Variants in SMOC2 observed in about 807,000 individuals in gnomAD.
The protein encoded by SMOC2 is SPARC related modular calcium binding 2.
A neutral mutation model predicts 61.4 loss-of-function variants in SMOC2; 39 were observed. The observed-to-expected ratio is 0.64, with a 90% confidence interval of 0.49 to 0.83. SMOC2 has a LOEUF of 0.83. Among genes scored for constraint, SMOC2 ranks in the 40% least tolerant of loss-of-function variants. The probability of loss-of-function intolerance (pLI) is 0.00; values close to 1 mark genes in which losing one functional copy is unlikely to be tolerated. For missense variants in SMOC2, 556 were observed against 592.9 expected, an observed-to-expected ratio of 0.94 and a Z score of 0.65; for synonymous variants, 247 against 239.9, an observed-to-expected ratio of 1.03 and a Z score of -0.27.
At chr6:168,663,011 C>T (rs990154366) in intron 11 of SMOC2, among the ~76,000 whole-genome samples, 5 of 152,184 alleles carry the variant, frequency 3.3e-5, no homozygotes, top group East Asian at 1.9e-4. Context: ...ATGGAGATAA[C>T]GAAGTTGGAT....
chr6:168,449,996 A>G (rs976833388), intron 1 of SMOC2, among the ~76,000 whole-genome samples: 1 of 152,148 alleles, frequency 6.6e-6, no homozygotes, highest in South Asian at 2.1e-4. Context: ...GTGAGTTTCA[A>G]TCAGGATCCT....
chr6:168,441,435 A>G lies in SMOC2; in HGVS notation c.65A>G (p.Gln22Arg). 1 of 1,509,268 alleles carries G rather than the reference A, an allele frequency of 6.6e-7. No homozygotes were observed. Among genetic ancestry groups the G allele is most frequent in the Non-Finnish European group, 8.8e-7 (1 of 1,132,708 alleles). The allele number at this position is 1,509,268 out of a possible 1,614,324, so 93.5% of individuals were successfully genotyped here. Residue 22 changes from glutamine to arginine, a missense_variant, in exon 1 of 13, where the codon CAG (glutamine) becomes CGG (arginine). Physicochemically the swap from Gln to Arg is conservative, Grantham distance 43. Transcript: ENST00000356284. ...LAGLLPPVPA[Q>R]KFSALTFLRV... ...GGGCTGCTCCCGCCGGTGCCCGCTC[A>G]GAAGTTCTCGGCGCTCACGGTAAGC...
chr6:168,482,989 G>A (rs1015103249), intron 1 of SMOC2, among the ~76,000 whole-genome samples: 1 of 152,054 alleles, frequency 6.6e-6, no homozygotes, highest in African/African-American at 2.4e-5. Context: ...CCTAAGATCA[G>A]GAGTAAGGCA....
chr6:168,659,669 G>GA (rs1787439997), intron 11 of SMOC2, among the ~76,000 whole-genome samples: 13 of 124,676 alleles, frequency 1.0e-4, no homozygotes, highest in East Asian at 2.6e-4. Context: ...TTGTAGGCTG[G>GA]GTGAGGGTGG....
intron 10 of SMOC2, among the ~76,000 whole-genome samples, chr6:168,652,530 A>G (rs1238658377): frequency 1.3e-5 from 2 of 152,228 alleles, no homozygotes; most frequent in African/African-American, 4.8e-5. Context: ...CCAACTTAAA[A>G]TGTTTTTGAT....
intron 1 of SMOC2, among the ~76,000 whole-genome samples, chr6:168,480,533 G>T (rs898488354): frequency 6.6e-6 from 1 of 152,054 alleles, no homozygotes; most frequent in Non-Finnish European, 1.5e-5. Flanking sequence ...GAAAGGATCA[G>T]CAAACTTAAA....
At chr6:168,625,455 G>A (rs1333003999) in intron 9 of SMOC2, among the ~76,000 whole-genome samples, 1 of 152,238 alleles carries the variant, frequency 6.6e-6, no homozygotes, top group Non-Finnish European at 1.5e-5. Context: ...TGGCCTGAAG[G>A]TCAGCTCAAA....
intron 9 of SMOC2, among the ~76,000 whole-genome samples, chr6:168,623,866 T>C (rs1426197347): frequency 6.6e-6 from 1 of 152,150 alleles, no homozygotes; most frequent in Non-Finnish European, 1.5e-5. Flanking sequence ...GGCTGATGCG[T>C]GCTGAGGCCT....
intron 7 of SMOC2, among the ~76,000 whole-genome samples, chr6:168,558,809 GTGTGTGTGCGTATGTGCA>G (rs1297300074): frequency 1.3e-5 from 2 of 151,658 alleles, no homozygotes; most frequent in Non-Finnish European, 2.9e-5. Context: ...GTGCGCATGT[GTGTGTGTGCGTATGTGCA>G]TGTGTGTGCA....
chr6:168,473,277 T>C (rs1782005341), intron 1 of SMOC2, among the ~76,000 whole-genome samples: 1 of 152,084 alleles, frequency 6.6e-6, no homozygotes, highest in Admixed American at 6.5e-5. Flanking sequence ...GATTCTGGCA[T>C]TACTGAAGGG....
intron 1 of SMOC2, among the ~76,000 whole-genome samples, chr6:168,497,214 G>A (rs546933508): frequency 2.3e-4 from 35 of 152,344 alleles, no homozygotes; most frequent in African/African-American, 8.4e-4. Context: ...CCTCGCAGAG[G>A]AGCCCGGTGG....
intron 9 of SMOC2, among the ~76,000 whole-genome samples, chr6:168,616,552 A>G (rs1010066834): frequency 1.3e-5 from 2 of 152,198 alleles, no homozygotes; most frequent in Non-Finnish European, 2.9e-5. Flanking sequence ...TCCACATGGC[A>G]CCACTTGGAA....
chr6:168,608,225 G>A lies in SMOC2; in HGVS notation c.893G>A (p.Gly298Asp), dbSNP rs755390298. 1.2e-6 allele frequency: 2 copies of A among 1,612,544 alleles called. No homozygotes were observed. Among genetic ancestry groups the A allele is most frequent in the East Asian group, 2.2e-5 (1 of 44,850 alleles). ...HPAKARDLYK[G>D]RQLQGCPGAK... ...GCCAAAGCCCGGGACCTGTACAAGG[G>A]CCGCCAGCTACAAGGTGAGCAGCAC... The change falls in exon 9 of 13, where the codon GGC (glycine) becomes GAC (aspartate). Residue 298 changes from glycine to aspartate, a missense_variant. By Grantham distance (94) the Gly-to-Asp change is moderately conservative (BLOSUM62 -1). Coordinates refer to ENST00000356284, the MANE Select transcript of SMOC2 (RefSeq NM_001166412.2).
intron 7 of SMOC2, among the ~76,000 whole-genome samples, chr6:168,564,253 C>T (rs560231409): frequency 1.1e-3 from 161 of 152,064 alleles, no homozygotes; most frequent in Non-Finnish European, 1.8e-3. Flanking sequence ...CACTCTGAGC[C>T]GTCCTTTCAC....
At chr6:168,550,158 TACTG>T (rs1479621158) in intron 7 of SMOC2, among the ~76,000 whole-genome samples, 1 of 152,232 alleles carries the variant, frequency 6.6e-6, no homozygotes, top group Non-Finnish European at 1.5e-5. Context: ...CACAGATTCT[TACTG>T]AAGGGAAGTA....
At chr6:168,491,291 A>C (rs1235484905) in intron 1 of SMOC2, among the ~76,000 whole-genome samples, 1 of 152,200 alleles carries the variant, frequency 6.6e-6, no homozygotes, top group Non-Finnish European at 1.5e-5. Context: ...ATTTTTATTA[A>C]AATCACAAGT....
chr6:168,624,802 T>C lies in SMOC2; in HGVS notation c.907+16563T>C, dbSNP rs116716771. ...AACAATACAGATACACACAGACACA[T>C]GCACACAGACACACATTGACATACA... On this transcript the variant is annotated intron_variant, in intron 9 of 12. Coordinates refer to ENST00000356284, the MANE Select transcript of SMOC2 (RefSeq NM_001166412.2). Among the ~76,000 whole-genome samples the C allele has an allele frequency of 8.1e-3, 919 of 113,434 alleles. 14 individuals carry two copies. The highest frequency in any genetic ancestry group is 0.03 in the African/African-American group (871 of 29,202). The allele number at this position is 113,434 out of a possible 152,430, so 74.4% of individuals were successfully genotyped here.
intron 9 of SMOC2, among the ~76,000 whole-genome samples, chr6:168,633,286 C>A (rs1333534568): frequency 6.6e-6 from 1 of 152,200 alleles, no homozygotes; most frequent in East Asian, 1.9e-4. Flanking sequence ...ACATGCCCCA[C>A]CTCCCAGAGG....
At chr6:168,523,136 C>T (rs1214645470) in intron 2 of SMOC2, among the ~76,000 whole-genome samples, 3 of 116,190 alleles carry the variant, frequency 2.6e-5, no homozygotes, top group African/African-American at 8.8e-5. Flanking sequence ...GGCCGGACTG[C>T]GGACTGCAGT....
Sources: allele counts gnomAD v4.1 joint callset (sites outside exome capture counted in the v4.1 genomes callset), GRCh38; gene constraint gnomAD v4.1.1; transcripts MANE v1.5; gene names NCBI Gene and HGNC (gene_info 2026-07-23, HGNC 2026-07-21).